PPP2R2C: variants seen among roughly 807,000 people sequenced by gnomAD.
PPP2R2C encodes protein phosphatase 2 regulatory subunit Bgamma, also known as protein phosphatase 2, regulatory subunit B, gamma.
PPP2R2C carries 10 observed loss-of-function variants against 45.3 expected under a neutral mutation model. The ratio of observed to expected loss-of-function variants is 0.22; its 90% CI spans 0.14 to 0.37. The LOEUF (loss-of-function observed/expected upper bound fraction) is 0.37, where lower values mean the gene tolerates loss of function less well. Among genes scored for constraint, PPP2R2C ranks in the 10% least tolerant of loss-of-function variants. The pLI, the probability that PPP2R2C is intolerant of heterozygous loss-of-function variation, is 1.00. For missense variants in PPP2R2C, 308 were observed against 619.7 expected (o/e 0.50, Z 5.34); for synonymous variants, 257 against 245.4 (o/e 1.05, Z -0.44).
At chr4:6,341,070 G>A (rs985373387) in intron 6 of PPP2R2C, among the ~76,000 whole-genome samples, 2 of 152,214 alleles carry the variant, frequency 1.3e-5, no homozygotes, top group Non-Finnish European at 2.9e-5. Flanking sequence ...GGTGGGGGGC[G>A]GTGGCTCACG....
At position 6,503,808 on chromosome 4, in the gene PPP2R2C, A is replaced by C. The variant is rs370112418; in HGVS notation, c.49+31463T>G. The stretch of plus-strand genomic sequence containing the variant: ...CTACTTGGCAATTAAAAAAAAAAAA[A>C]CAAAAACTGAGAATTCTGCTTCTAG... On this transcript the variant is annotated intron_variant, in intron 2 of 9. Transcript: ENST00000506140. Among the ~76,000 whole-genome samples, 937 of 147,064 alleles carry C rather than the reference A, an allele frequency of 6.4e-3. 7 individuals are homozygous for C. The highest frequency in any genetic ancestry group is 0.023 in the African/African-American group (882 of 38,856).
chr4:6,489,127 G>C (rs146947396), intron 2 of PPP2R2C, among the ~76,000 whole-genome samples: 53 of 152,252 alleles, frequency 3.5e-4, no homozygotes, highest in African/African-American at 1.3e-3. Flanking sequence ...GCAGACTCCA[G>C]TGGGCAACCT....
chr4:6,465,187 A>G (rs1181626015), intron 1 of PPP2R2C, among the ~76,000 whole-genome samples: 2 of 151,996 alleles, frequency 1.3e-5, no homozygotes, highest in East Asian at 1.9e-4. Context: ...GTAGGAAAAA[A>G]AAGAGCTATG....
chr4:6,345,804 C>T lies in PPP2R2C; in HGVS notation c.790+2042G>A, dbSNP rs770978094. ...TGTTGTGGCGCACAGGACGCAGCCC[C>T]GAGCCCCCTGCACCCCGGGAATCTC... On this transcript the variant is annotated intron_variant, in intron 6 of 8. Coordinates refer to ENST00000382599, the MANE Select transcript of PPP2R2C (RefSeq NM_020416.4). The surrounding 1 kb of genome is among the most constrained non-coding windows in gnomAD (Gnocchi z 5.3). Among the ~76,000 whole-genome samples the T allele has an allele frequency of 8.5e-5, 13 of 152,138 alleles. No individual in the cohort carries two copies. Among genetic ancestry groups the T allele is most frequent in the South Asian group, 2.1e-4 (1 of 4,824 alleles).
intron 2 of PPP2R2C, among the ~76,000 whole-genome samples, chr4:6,518,922 T>TAAAAAAAAAAAAA (rs56002128): frequency 3.0e-4 from 28 of 92,900 alleles, no homozygotes; most frequent in African/African-American, 5.6e-4. Flanking sequence ...GACTCTGTCT[T>TAAAAAAAAAAAAA]AAAAAAAAAA....
intron 1 of PPP2R2C, among the ~76,000 whole-genome samples, chr4:6,393,441 G>T (rs1716791038): frequency 6.6e-6 from 1 of 152,196 alleles, no homozygotes; most frequent in East Asian, 1.9e-4. Flanking sequence ...CCTTTTCCAG[G>T]CTGAAATAAT....
intron 8 of PPP2R2C, among the ~76,000 whole-genome samples, chr4:6,326,433 T>TC (rs1731945700): frequency 6.6e-6 from 1 of 151,672 alleles, no homozygotes; most frequent in African/African-American, 2.4e-5. Context: ...CACAAATCTC[T>TC]CCCCCCAGGC....
chr4:6,432,131 T>A (rs1719659359), intron 1 of PPP2R2C, among the ~76,000 whole-genome samples: 1 of 152,190 alleles, frequency 6.6e-6, no homozygotes, highest in South Asian at 2.1e-4. Flanking sequence ...ATGACAGCAG[T>A]AGGCTTTGAT....
intron 2 of PPP2R2C, among the ~76,000 whole-genome samples, chr4:6,510,814 A>G (rs1277156041): frequency 6.6e-6 from 1 of 152,064 alleles, no homozygotes; most frequent in Admixed American, 6.6e-5. Flanking sequence ...TGTCCCCACT[A>G]AAAATCCAAA....
At chr4:6,395,465 T>A (rs562903015) in intron 1 of PPP2R2C, among the ~76,000 whole-genome samples, 22 of 152,262 alleles carry the variant, frequency 1.4e-4, no homozygotes, top group African/African-American at 5.1e-4. Context: ...AAGGCTGGTT[T>A]CCACCTCCCT....
intron 1 of PPP2R2C, among the ~76,000 whole-genome samples, chr4:6,544,018 A>G (rs928929669): frequency 7.2e-5 from 11 of 152,168 alleles, no homozygotes; most frequent in African/African-American, 2.7e-4. Context: ...CCCAGAGTGG[A>G]CTGCCCACAA....
chr4:6,349,623 G>A (rs1167830751), intron 5 of PPP2R2C: 11 of 965,162 alleles, frequency 1.1e-5, no homozygotes, highest in East Asian at 2.3e-4. Context: ...GGCGGATCAC[G>A]AGGTCAGGAG....
At chr4:6,395,618 C>T (rs1323905250) in intron 1 of PPP2R2C, among the ~76,000 whole-genome samples, 1 of 152,216 alleles carries the variant, frequency 6.6e-6, no homozygotes, top group Non-Finnish European at 1.5e-5. Flanking sequence ...TCAGCAGGTC[C>T]AGCCTCTGTT....
intron 1 of PPP2R2C, among the ~76,000 whole-genome samples, chr4:6,545,420 C>T (rs139288558): frequency 6.6e-6 from 1 of 152,260 alleles, no homozygotes. Context: ...ACCAGGTATG[C>T]CAGAAGACTA....
intron 1 of PPP2R2C, among the ~76,000 whole-genome samples, chr4:6,463,236 G>A (rs932082087): frequency 6.6e-6 from 1 of 152,198 alleles, no homozygotes; most frequent in African/African-American, 2.4e-5. Context: ...CTTCATAGAT[G>A]GGGAAATTGC....
rs181632958 is a variant in PPP2R2C at position 6,455,917 on chromosome 4, G to A, written c.70+16243C>T. Among the ~76,000 whole-genome samples the A allele has an allele frequency of 1.1e-4, 15 of 136,084 alleles. 1 individual carries two copies. In the South Asian group the frequency reaches 1.9e-3, roughly 18 times the overall value. The allele number at this position is 136,084 out of a possible 152,430, so 89.3% of individuals were successfully genotyped here. Reference sequence around the variant, plus strand: ...TGACCACCTGCTCCCAGGCTGCAACGGGCCCACTGCATCCCTGCCCCTCAC... The same window carrying A: ...TGACCACCTGCTCCCAGGCTGCAACAGGCCCACTGCATCCCTGCCCCTCAC... On this transcript the variant is annotated intron_variant, in intron 1 of 8. Transcript: ENST00000382599.
Position 6,381,084 on chromosome 4 carries a change from G to A in PPP2R2C, c.81C>T (p.Ile27=). Reference sequence around the variant, plus strand: ...CCGTGTGGTTGAACTCAACGGTAGAGATGATGTCAGCTGGGAGGGGAACAG... The same window carrying A: ...CCGTGTGGTTGAACTCAACGGTAGAAATGATGTCAGCTGGGAGGGGAACAG... ...DHSYVTEADI[I]STVEFNHTGE... The change falls in exon 2 of 9, where the codon ATC becomes ATT. Residue 27 remains isoleucine, a synonymous_variant. Transcript: ENST00000382599. The A allele has an allele frequency of 6.3e-7, 1 of 1,590,444 alleles. No individual in the cohort carries two copies. Among genetic ancestry groups the A allele is most frequent in the Non-Finnish European group, 8.6e-7 (1 of 1,166,850 alleles).
chr4:6,337,250 G>A (rs779955785), intron 6 of PPP2R2C, among the ~76,000 whole-genome samples: 52 of 149,228 alleles, frequency 3.5e-4, no homozygotes, highest in Non-Finnish European at 5.6e-4. Flanking sequence ...CACTTCGAAC[G>A]CTTGATTCCC....
intron 2 of PPP2R2C, among the ~76,000 whole-genome samples, chr4:6,500,959 C>A (rs1010555980): frequency 7.2e-5 from 11 of 152,234 alleles, no homozygotes; most frequent in Non-Finnish European, 1.3e-4. Flanking sequence ...AGGCAGGGAG[C>A]AGGAAGCCTC....
Sources: allele counts gnomAD v4.1 joint callset (sites outside exome capture counted in the v4.1 genomes callset), GRCh38; gene constraint gnomAD v4.1.1; non-coding constraint Gnocchi (gnomAD v3.1); transcripts MANE v1.5; gene names NCBI Gene and HGNC (gene_info 2026-07-23, HGNC 2026-07-21).